Variants in FNDC3B observed in about 807,000 individuals in gnomAD.
FNDC3B encodes fibronectin type III domain-containing protein 3B.
In FNDC3B, 12 loss-of-function variants were observed where a neutral mutation model predicts 151.5. That is an observed-to-expected ratio of 0.08 (90% CI 0.05 to 0.13). The LOEUF (loss-of-function observed/expected upper bound fraction) is 0.13. Ranked by LOEUF, FNDC3B falls within the 10% of genes least tolerant of loss-of-function variation. FNDC3B has a pLI of 1.00. For missense variants in FNDC3B, 1,214 were observed against 1,505.3 expected (o/e 0.81, Z 3.20); for synonymous variants, 528 against 549.0 (o/e 0.96, Z 0.54).
rs375690921 is a variant in FNDC3B at position 172,136,037 on chromosome 3, T to C, written c.187+2491T>C. Among the ~76,000 whole-genome samples, 5 of 152,308 alleles carry C rather than the reference T, an allele frequency of 3.3e-5. No individual in the cohort carries two copies. The South Asian group carries it at 1.0e-3, about 32-fold the overall frequency. On this transcript the variant is annotated intron_variant, in intron 3 of 25. Transcript: ENST00000415807. ...CCTTTAGTGAGTGTGTAGTTACACA[T>C]AAGGAAGCTGAGGCCTGTCGAAAAG...
chr3:172,130,401 A>G (rs1721015841), intron 2 of FNDC3B, among the ~76,000 whole-genome samples: 1 of 152,226 alleles, frequency 6.6e-6, no homozygotes, highest in Admixed American at 6.5e-5. Flanking sequence ...ACTCAGCAGC[A>G]GTGAAAATTA....
intron 6 of FNDC3B, among the ~76,000 whole-genome samples, chr3:172,274,317 C>A (rs9883740): frequency 4.0e-5 from 6 of 151,860 alleles, no homozygotes; most frequent in Non-Finnish European, 2.9e-5. Context: ...TCTCTTCCAG[C>A]GGATAGATTT....
Position 172,061,434 on chromosome 3 carries a change from G to A in FNDC3B, c.-29+21663G>A, listed in dbSNP as rs890602709. Among the ~76,000 whole-genome samples the A allele has an allele frequency of 2.0e-5, 3 of 151,742 alleles. No individual in the cohort carries two copies. In the East Asian group the frequency reaches 5.8e-4, roughly 29 times the overall value. ...TGTTTAGTAGAGACAGGGTTTCACC[G>A]TGTTAGCCAGGATGGTCTCGATCTC... is the stretch of plus-strand genomic sequence containing the variant. On this transcript the variant is annotated intron_variant, in intron 1 of 25. Coordinates refer to ENST00000415807, the MANE Select transcript of FNDC3B (RefSeq NM_022763.4).
At chr3:172,071,706 A>G (rs1688893394) in intron 1 of FNDC3B, among the ~76,000 whole-genome samples, 1 of 152,202 alleles carries the variant, frequency 6.6e-6, no homozygotes, top group Admixed American at 6.5e-5. Flanking sequence ...TGTCACACAC[A>G]TTCAAAGGAA....
rs184341534 is a variant in FNDC3B at position 172,054,254 on chromosome 3, A to G, written c.-29+14483A>G. On this transcript the variant is annotated intron_variant, in intron 1 of 25. Coordinates refer to ENST00000415807, the MANE Select transcript of FNDC3B (RefSeq NM_022763.4). ...ATGAGCAAAGGACTAGAGGGTGTCT[A>G]TCTCTGAGAACTCAGAAAGCAGCTC... Among the ~76,000 whole-genome samples the G allele has an allele frequency of 1.3e-3, 203 of 152,338 alleles. 1 individual carries two copies. The highest frequency in any genetic ancestry group is 1.2e-3 in the Non-Finnish European group (84 of 68,036).
intron 23 of FNDC3B, among the ~76,000 whole-genome samples, chr3:172,377,517 T>A (rs564279610): frequency 6.6e-6 from 1 of 152,214 alleles, no homozygotes; most frequent in African/African-American, 2.4e-5. Context: ...AAGGCCTTGT[T>A]TGTTTATCTG....
rs561565015 is a variant in FNDC3B, at chr3:172,198,545, T to C, written c.188-28326T>C. On this transcript the variant is annotated intron_variant, in intron 3 of 25. Transcript: ENST00000415807. ...TTCTACCATTTCTATGACAGAAATC[T>C]GACACGTGTACATGTAACCAGCCTC... 7.2e-5 allele frequency among the ~76,000 whole-genome samples: 11 copies of C among 152,344 alleles called. No homozygotes were observed. The South Asian group carries it at 1.9e-3, about 26-fold the overall frequency.
chr3:172,334,805 A>G, intron 14 of FNDC3B, 139 bp from the exon 15 acceptor site: 1 of 694,314 alleles, frequency 1.4e-6, no homozygotes, highest in Non-Finnish European at 2.4e-6. Context: ...AATACTGTTA[A>G]TACTTGAGTT....
At chr3:172,148,932 T>A (rs1293124607) in intron 3 of FNDC3B, among the ~76,000 whole-genome samples, 1 of 152,208 alleles carries the variant, frequency 6.6e-6, no homozygotes. Context: ...TTCTACCTAT[T>A]CTTGGCTATA....
chr3:172,134,743 CT>C (rs1559982234), intron 3 of FNDC3B, among the ~76,000 whole-genome samples: 2 of 151,930 alleles, frequency 1.3e-5, no homozygotes, highest in Non-Finnish European at 2.9e-5. Flanking sequence ...TATTTAATCA[CT>C]TTTATTAATG....
chr3:172,086,789 A>G (rs903040591), intron 1 of FNDC3B, among the ~76,000 whole-genome samples: 8 of 152,246 alleles, frequency 5.3e-5, no homozygotes, highest in Non-Finnish European at 1.0e-4. Flanking sequence ...GGAGATTCTC[A>G]GTGTATATTA....
intron 23 of FNDC3B, among the ~76,000 whole-genome samples, chr3:172,377,541 C>A (rs1027766690): frequency 6.6e-6 from 1 of 152,178 alleles, no homozygotes; most frequent in African/African-American, 2.4e-5. Flanking sequence ...GCCTGTTATG[C>A]TTAACGTTTC....
At chr3:172,234,740 A>G (rs978658859) in intron 4 of FNDC3B, among the ~76,000 whole-genome samples, 4 of 152,204 alleles carry the variant, frequency 2.6e-5, no homozygotes, top group Non-Finnish European at 4.4e-5. Context: ...CCTTTCTATT[A>G]CATTTTATTT....
intron 1 of FNDC3B, among the ~76,000 whole-genome samples, chr3:172,055,545 A>G (rs1299637918): frequency 6.6e-6 from 1 of 151,510 alleles, no homozygotes; most frequent in Non-Finnish European, 1.5e-5. Context: ...CTATGAGGGC[A>G]TACTAGTTGA....
intron 1 of FNDC3B, among the ~76,000 whole-genome samples, chr3:172,089,477 A>G (rs1315049399): frequency 1.3e-5 from 2 of 152,162 alleles, no homozygotes; most frequent in Non-Finnish European, 2.9e-5. Flanking sequence ...ATCAGTACTG[A>G]GTCATCAGTT....
At chr3:172,200,470 G>A (rs1725089092) in intron 3 of FNDC3B, among the ~76,000 whole-genome samples, 1 of 152,210 alleles carries the variant, frequency 6.6e-6, no homozygotes, top group Non-Finnish European at 1.5e-5. Flanking sequence ...AACCATATGA[G>A]TACCCGTGCA....
rs183556343 is a variant in FNDC3B at position 172,106,412 on chromosome 3, C to A, written c.-28-6040C>A. On this transcript the variant is annotated intron_variant, in intron 1 of 25. Coordinates refer to ENST00000415807, the MANE Select transcript of FNDC3B (RefSeq NM_022763.4). ...CCTCAGCCTGGCTTGTAATTAAACTCAGGGAATCAATTCCTCTCATCCAGG... is the reference window on the plus strand; with the variant it reads ...CCTCAGCCTGGCTTGTAATTAAACTAAGGGAATCAATTCCTCTCATCCAGG... Among the ~76,000 whole-genome samples, 86 of 152,324 alleles carry A rather than the reference C, an allele frequency of 5.6e-4. No homozygotes were observed. The Middle Eastern group carries it at 0.024, about 42-fold the overall frequency.
intron 3 of FNDC3B, among the ~76,000 whole-genome samples, chr3:172,179,622 C>T (rs936104603): frequency 6.6e-6 from 1 of 151,616 alleles, no homozygotes; most frequent in African/African-American, 2.4e-5. Context: ...TGGCTCCCGG[C>T]TGTAATTCCA....
At chr3:172,052,908 T>G (rs1281830246) in intron 1 of FNDC3B, among the ~76,000 whole-genome samples, 1 of 152,176 alleles carries the variant, frequency 6.6e-6, no homozygotes. Flanking sequence ...TTCCTTGGAG[T>G]AAAATGATAG....
Sources: allele counts gnomAD v4.1 joint callset (sites outside exome capture counted in the v4.1 genomes callset), GRCh38; gene constraint gnomAD v4.1.1; transcripts MANE v1.5; gene names NCBI Gene and HGNC (gene_info 2026-07-23, HGNC 2026-07-21).